USP31: variants seen among roughly 807,000 people sequenced by gnomAD.
USP31 encodes ubiquitin specific peptidase 31, also known as ubiquitin carboxyl-terminal hydrolase 31.
USP31 carries 44 observed loss-of-function variants against 119.4 expected under a neutral mutation model. The observed-to-expected ratio is 0.37, with a 90% CI of 0.29 to 0.47. The LOEUF (loss-of-function observed/expected upper bound fraction) is 0.47, where lower values mean the gene tolerates loss of function less well. Among genes scored for constraint, USP31 ranks in the 20% least tolerant of loss-of-function variants. USP31 has a pLI of 0.99. For missense variants in USP31, 1,643 were observed against 1,730.2 expected, an observed-to-expected ratio of 0.95 and a Z score of 0.89; for synonymous variants, 749 against 705.6, an observed-to-expected ratio of 1.06 and a Z score of -0.97.
Position 23,149,317 on chromosome 16 carries a change from C to T in USP31, c.-47G>A. The stretch of plus-strand genomic sequence containing the variant: ...TCACCGCGCCCGCCCGCCCGGCCCG[C>T]GGCCCCGCCACGGCCGCCGCCGCAT... On this transcript the variant is annotated 5_prime_UTR_variant, in exon 1 of 16. Coordinates refer to ENST00000219689, the MANE Select transcript of USP31 (RefSeq NM_020718.4). 9.8e-7 allele frequency: 1 copy of T among 1,021,188 alleles called. No homozygotes were observed. The highest frequency in any genetic ancestry group is 1.2e-6 in the Non-Finnish European group (1 of 855,316). 63.3% of individuals were successfully genotyped at this position (1,021,188 alleles called of 1,614,324 possible).
chr16:23,117,843 G>A (rs750996329), intron 1 of USP31, among the ~76,000 whole-genome samples: 5 of 151,788 alleles, frequency 3.3e-5, no homozygotes, highest in African/African-American at 9.7e-5. Context: ...AGGATGGAGC[G>A]CAGTAGTGCA....
intron 7 of USP31, among the ~76,000 whole-genome samples, chr16:23,090,132 C>T (rs527627109): frequency 1.8e-4 from 28 of 152,314 alleles, no homozygotes; most frequent in Admixed American, 1.6e-3. Context: ...CGCCTATAAT[C>T]CCAGCACTTT....
chr16:23,091,404 A>G (rs1450140037), intron 6 of USP31, among the ~76,000 whole-genome samples: 2 of 152,190 alleles, frequency 1.3e-5, no homozygotes, highest in East Asian at 1.9e-4. Context: ...CTCCCTGTCA[A>G]TCAAAGTACC....
rs193071789 is a variant in USP31, at chr16:23,067,529, G to A, written c.*517C>T. The A allele has an allele frequency of 7.1e-4, 109 of 154,304 alleles. No homozygotes were observed. The highest frequency in any genetic ancestry group is 9.0e-4 in the Admixed American group (14 of 15,530). 9.6% of individuals were successfully genotyped at this position (154,304 alleles called of 1,614,324 possible). Reference sequence around the variant, plus strand: ...CTTTACAAAGACTGGTAGATGGGGCGAAAGTGCAGAAAGCAAGAGTTTTTC... The same window carrying A: ...CTTTACAAAGACTGGTAGATGGGGCAAAAGTGCAGAAAGCAAGAGTTTTTC... On this transcript the variant is annotated 3_prime_UTR_variant, in exon 16 of 16. Coordinates refer to ENST00000219689, the MANE Select transcript of USP31 (RefSeq NM_020718.4).
chr16:23,098,215 C>A (rs920085579), intron 6 of USP31, among the ~76,000 whole-genome samples: 4 of 152,034 alleles, frequency 2.6e-5, no homozygotes, highest in African/African-American at 9.7e-5. Context: ...AGTGAACTCC[C>A]ATTCACAATT....
At chr16:23,139,365 C>G (rs1275963830) in intron 1 of USP31, among the ~76,000 whole-genome samples, 1 of 152,188 alleles carries the variant, frequency 6.6e-6, no homozygotes, top group Non-Finnish European at 1.5e-5. Context: ...TCACGCTAAT[C>G]ACACCACTGC....
chr16:23,115,695 T>C, intron 1 of USP31: 1 of 802,460 alleles, frequency 1.2e-6, no homozygotes, highest in Non-Finnish European at 1.5e-6. Flanking sequence ...CTGCTCCTAT[T>C]ATCCCCTCAC....
At chr16:23,120,627 A>T (rs959975646) in intron 1 of USP31, among the ~76,000 whole-genome samples, 1 of 152,238 alleles carries the variant, frequency 6.6e-6, no homozygotes, top group African/African-American at 2.4e-5. Flanking sequence ...TGGGAGATGA[A>T]TGCTTAAACC....
At chr16:23,145,653 C>G (rs12920667) in intron 1 of USP31, among the ~76,000 whole-genome samples, 1 of 151,964 alleles carries the variant, frequency 6.6e-6, no homozygotes, top group African/African-American at 2.4e-5. Context: ...GGTGACAAAC[C>G]TAAGAACAAA....
rs552286740 is a variant in USP31 at position 23,106,320 on chromosome 16, G to A, written c.861-15C>T. On this transcript the variant is annotated splice_polypyrimidine_tract_variant and intron_variant, in intron 3 of 15. Coordinates refer to ENST00000219689, the MANE Select transcript of USP31 (RefSeq NM_020718.4). ...TCAAAGAAGATCTTCAAAACAAAAA[G>A]GTAAGACGCTTGACATTAAAATCAC... 1 of 1,613,952 alleles carries A rather than the reference G, an allele frequency of 6.2e-7. No individual in the cohort carries two copies. The highest frequency in any genetic ancestry group is 8.5e-7 in the Non-Finnish European group (1 of 1,179,972).
intron 6 of USP31, among the ~76,000 whole-genome samples, chr16:23,101,969 T>A (rs1016267826): frequency 3.5e-5 from 4 of 115,160 alleles, no homozygotes; most frequent in Non-Finnish European, 7.6e-5. Context: ...ATAGCAAAAT[T>A]TAAAAAAAAA....
chr16:23,123,042 T>C (rs1394043646), intron 1 of USP31, among the ~76,000 whole-genome samples: 5 of 152,210 alleles, frequency 3.3e-5, no homozygotes, highest in Admixed American at 6.5e-5. Context: ...GAAGACAGTC[T>C]ATGTTTAATC....
At position 23,148,505 on chromosome 16, in the gene USP31, A is replaced by T. The variant is rs905937765; in HGVS notation, c.633+133T>A. On this transcript the variant is annotated intron_variant, in intron 1 of 15. Coordinates refer to ENST00000219689, the MANE Select transcript of USP31 (RefSeq NM_020718.4). ...TGAATCTCCTTAAAATCACTGGTCG[A>T]CTGCCCAGACCACTCGGAGCAACCA... is the stretch of plus-strand genomic sequence containing the variant. 22 of 1,236,966 alleles carry T rather than the reference A, an allele frequency of 1.8e-5. No homozygotes were observed. The East Asian group carries it at 5.1e-4, about 29-fold the overall frequency. 76.6% of individuals were successfully genotyped at this position (1,236,966 alleles called of 1,614,324 possible). A position where few individuals can be genotyped will look rare whatever the true frequency, so the allele number is the denominator to read the frequency against.
chr16:23,087,451 C>A (rs1024784187), intron 8 of USP31, among the ~76,000 whole-genome samples: 1 of 152,158 alleles, frequency 6.6e-6, no homozygotes, highest in Admixed American at 6.5e-5. Context: ...TCCACGGATA[C>A]CTTAACATAG....
intron 12 of USP31, 144 bp from the exon 13 acceptor site, chr16:23,080,315 C>G: frequency 1.4e-6 from 1 of 712,950 alleles, no homozygotes; most frequent in East Asian, 2.9e-5. Context: ...ATCAGGGAAA[C>G]AGATGATAGT....
chr16:23,068,857 C>A lies in USP31; in HGVS notation c.3248G>T (p.Gly1083Val). 1.3e-6 allele frequency: 2 copies of A among 1,577,752 alleles called. No individual in the cohort carries two copies. Among genetic ancestry groups the A allele is most frequent in the East Asian group, 2.2e-5 (1 of 44,616 alleles). The part of the protein sequence containing the change: ...SRSKADSSSR[G>V]SGRHSSPAPA... ...GGCAGGGGATGAATGCCGTCCACTGCCCCTGGAAGAAGAATCTGCTTTGCT... is the reference window on the plus strand; with the variant it reads ...GGCAGGGGATGAATGCCGTCCACTGACCCTGGAAGAAGAATCTGCTTTGCT... Residue 1083 changes from glycine (G) to valine (V), a missense_variant, in exon 16 of 16, where the codon GGC (glycine) becomes GTC (valine). Physicochemically the swap from Gly to Val is moderately radical, Grantham distance 109. Around this residue, in one of 5 missense-constraint regions of USP31, gnomAD observed 699 missense variants for 650.9 expected, o/e 1.07. Coordinates refer to ENST00000219689, the MANE Select transcript of USP31 (RefSeq NM_020718.4).
intron 1 of USP31, among the ~76,000 whole-genome samples, chr16:23,114,588 A>G (rs946356278): frequency 1.3e-5 from 2 of 152,232 alleles, no homozygotes; most frequent in African/African-American, 4.8e-5. Flanking sequence ...ACTACGTTCA[A>G]TTATCAAGAC....
chr16:23,096,002 A>T (rs553452504), intron 6 of USP31, among the ~76,000 whole-genome samples: 2 of 152,340 alleles, frequency 1.3e-5, no homozygotes, highest in African/African-American at 4.8e-5. Flanking sequence ...AACAATATTA[A>T]CCTTAAATGT....
At chr16:23,077,250 C>A (rs751854965) in intron 13 of USP31, among the ~76,000 whole-genome samples, 2 of 152,190 alleles carry the variant, frequency 1.3e-5, no homozygotes, top group African/African-American at 2.4e-5. Context: ...AAGTTGGGAT[C>A]ATTCCTCTCA....
Sources: gnomAD v4.1 joint callset for allele counts (sites outside exome capture counted in the v4.1 genomes callset) on GRCh38, gnomAD v4.1.1 for gene constraint, gnomAD v4.1.1 regional missense constraint, MANE v1.5 for transcripts, NCBI Gene and HGNC (gene_info 2026-07-23, HGNC 2026-07-21) for gene names.